The following THSD4 variants were observed in gnomAD, a reference collection of about 807,000 sequenced individuals.
THSD4 encodes thrombospondin type-1 domain-containing protein 4.
Under a neutral mutation model 119.0 loss-of-function variants are expected in THSD4, and 69 were observed. The observed-to-expected ratio is 0.58, with a 90% CI of 0.48 to 0.71. The LOEUF (loss-of-function observed/expected upper bound fraction) is 0.71, where lower values mean the gene tolerates loss of function less well. THSD4 is among the 30% of genes least tolerant of loss of function. The pLI is 0.00. For synonymous variants in THSD4, 524 were observed against 540.4 expected (o/e 0.97, Z 0.42); for missense variants, 1,393 against 1,391.1 (o/e 1.00, Z -0.02).
chr15:71,393,633 G>C (rs573320393), intron 6 of THSD4, among the ~76,000 whole-genome samples: 1 of 152,268 alleles, frequency 6.6e-6, no homozygotes, highest in African/African-American at 2.4e-5. Context: ...GCTCCTGGGT[G>C]TCTGGGATTG....
Position 71,215,038 on chromosome 15 carries a change from C to T in THSD4, c.103C>T (p.Pro35Ser), listed in dbSNP as rs368500845. The T allele has an allele frequency of 1.2e-4, 158 of 1,286,810 alleles. 1 individual carries two copies. The East Asian group carries it at 4.4e-3, about 36-fold the overall frequency. 79.7% of individuals were successfully genotyped at this position (1,286,810 alleles called of 1,614,324 possible). The change falls in exon 4 of 18, where the codon CCG becomes TCG. Residue 35 changes from proline to serine, a missense_variant. Coordinates refer to ENST00000261862, the MANE Select transcript of THSD4 (RefSeq NM_024817.3). ...PQPSTQHRKVPQRMAAEGAPE... is the reference protein window; with the variant it reads ...PQPSTQHRKVSQRMAAEGAPE... ...TAACCTGCCTCTGTCTCCGCAGGTCCCGCAGCGGATGGCGGCGGAGGGCGC... is the reference window on the plus strand; with the variant it reads ...TAACCTGCCTCTGTCTCCGCAGGTCTCGCAGCGGATGGCGGCGGAGGGCGC...
At chr15:71,669,292 G>A (rs549978008) in intron 8 of THSD4, among the ~76,000 whole-genome samples, 46 of 152,008 alleles carry the variant, frequency 3.0e-4, no homozygotes, top group South Asian at 2.1e-3. Context: ...TTTTCTTATT[G>A]ATTTTAAGAA....
chr15:71,319,336 T>C (rs955146095), intron 6 of THSD4, among the ~76,000 whole-genome samples: 16 of 151,770 alleles, frequency 1.1e-4, no homozygotes, highest in African/African-American at 3.1e-4. Flanking sequence ...TGGTGTGCTG[T>C]ACCCATTAAC....
intron 7 of THSD4, among the ~76,000 whole-genome samples, chr15:71,607,533 T>C (rs1300043306): frequency 2.0e-5 from 3 of 152,158 alleles, no homozygotes; most frequent in Non-Finnish European, 4.4e-5. Flanking sequence ...ACGTGTGTGG[T>C]CATCACAGCA....
chr15:71,548,137 C>T (rs573269823), intron 7 of THSD4, among the ~76,000 whole-genome samples: 164 of 148,336 alleles, frequency 1.1e-3, no homozygotes, highest in African/African-American at 3.8e-3. Flanking sequence ...CTCCTGGAGT[C>T]AGTTTTTGAT....
chr15:71,445,037 C>T (rs751998), intron 7 of THSD4, among the ~76,000 whole-genome samples: 40,372 of 152,070 alleles, frequency 0.27, 5,723 homozygotes, highest in Middle Eastern at 0.36. Flanking sequence ...TACCAAACCA[C>T]GTACAGCTCT....
At chr15:71,629,618 C>G (rs919961363) in intron 7 of THSD4, among the ~76,000 whole-genome samples, 2 of 152,146 alleles carry the variant, frequency 1.3e-5, no homozygotes, top group Non-Finnish European at 2.9e-5. Flanking sequence ...TAAAGAGATG[C>G]TCAGGCCCCC....
Position 71,409,457 on chromosome 15 carries a change from ACTT to A in THSD4, c.1016-2228_1016-2226del, listed in dbSNP as rs2046653658. Among the ~76,000 whole-genome samples, 6 of 152,302 alleles carry A rather than the reference ACTT, an allele frequency of 3.9e-5. No individual in the cohort carries two copies. The South Asian group carries it at 1.2e-3, about 32-fold the overall frequency. ...AGATGAATTTTGCCTCCAACTTGTCACTTCCTTTCTTAAGCCTGTTTTTTAATC... is the reference window on the plus strand; with the variant it reads ...AGATGAATTTTGCCTCCAACTTGTCACCTTTCTTAAGCCTGTTTTTTAATC... On this transcript the variant is annotated intron_variant, in intron 6 of 17. Transcript: ENST00000261862.
chr15:71,685,325 C>T lies in THSD4; in HGVS notation c.1357+24591C>T, dbSNP rs886485942. Among the ~76,000 whole-genome samples the T allele has an allele frequency of 5.3e-5, 8 of 151,960 alleles. No homozygotes were observed. The East Asian group carries it at 1.5e-3, about 29-fold the overall frequency. Reference sequence around the variant, plus strand: ...CAGGACCCTTTTCTCCTCTTTAAAACTGAAGACCCCAGAGAGCTTTTGTTC... The same window carrying T: ...CAGGACCCTTTTCTCCTCTTTAAAATTGAAGACCCCAGAGAGCTTTTGTTC... On this transcript the variant is annotated intron_variant, in intron 8 of 17. Transcript: ENST00000261862.
intron 3 of THSD4, among the ~76,000 whole-genome samples, chr15:71,193,778 G>A (rs527999050): frequency 8.2e-4 from 124 of 152,118 alleles, no homozygotes; most frequent in African/African-American, 3.4e-4. Flanking sequence ...CGTGATCTCG[G>A]CTCTCTGCAA....
intron 3 of THSD4, 118 bp downstream of exon 3, chr15:71,155,050 A>G (rs573364198): frequency 1.1e-6 from 1 of 925,020 alleles, no homozygotes; most frequent in South Asian, 1.3e-5. Flanking sequence ...GAAAGGAAGC[A>G]CCATTTACAG....
At chr15:71,704,472 C>T (rs1054837985) in intron 8 of THSD4, among the ~76,000 whole-genome samples, 9 of 152,186 alleles carry the variant, frequency 5.9e-5, no homozygotes, top group Admixed American at 1.3e-4. Flanking sequence ...TTGCCTGCCA[C>T]CATGTGAGAC....
In THSD4 at chr15:71,341,212, C is replaced by A. The variant is rs776233131; in HGVS notation, c.1016-70475C>A. 3.8e-6 allele frequency: 6 copies of A among 1,573,266 alleles called. No individual in the cohort carries two copies. In the East Asian group the frequency reaches 1.3e-4, roughly 35 times the overall value. ...TCAGTTTCTTCTGGGATATCTTTTT[C>A]TTCTGGGCAACCTCCTCTTCTGGTT... On this transcript the variant is annotated intron_variant, in intron 6 of 17. Coordinates refer to ENST00000261862, the MANE Select transcript of THSD4 (RefSeq NM_024817.3).
chr15:71,455,791 CAA>C (rs2047330845), intron 7 of THSD4, among the ~76,000 whole-genome samples: 1 of 152,154 alleles, frequency 6.6e-6, no homozygotes. Context: ...TGGGAGGTGT[CAA>C]AGACAAAATT....
chr15:71,305,989 G>A (rs531150228), intron 6 of THSD4, among the ~76,000 whole-genome samples: 1 of 151,986 alleles, frequency 6.6e-6, no homozygotes, highest in Admixed American at 6.6e-5. Flanking sequence ...TCCCTCAAAC[G>A]ATTGTAAAGA....
chr15:71,721,407 C>T (rs1321988333), intron 8 of THSD4, among the ~76,000 whole-genome samples: 3 of 152,122 alleles, frequency 2.0e-5, no homozygotes, highest in African/African-American at 7.2e-5. Flanking sequence ...ACTGGGGAGG[C>T]TGAGACAGGA....
chr15:71,285,578 G>A (rs969141151), intron 6 of THSD4, among the ~76,000 whole-genome samples: 4 of 152,108 alleles, frequency 2.6e-5, no homozygotes, highest in East Asian at 1.9e-4. Flanking sequence ...AAAAACAGCC[G>A]GGTGTGGTGG....
chr15:71,149,191 T>C (rs1156960489), intron 2 of THSD4, among the ~76,000 whole-genome samples: 1 of 151,018 alleles, frequency 6.6e-6, no homozygotes, highest in African/African-American at 2.4e-5. Context: ...GGCACTTAAC[T>C]GTTGTCAGAA....
intron 3 of THSD4, among the ~76,000 whole-genome samples, chr15:71,203,940 C>T (rs993432440): frequency 6.6e-6 from 1 of 152,200 alleles, no homozygotes; most frequent in Non-Finnish European, 1.5e-5. Flanking sequence ...ACCAGGCAGA[C>T]TCTTCTGCTA....
Sources: allele counts gnomAD v4.1 joint callset (sites outside exome capture counted in the v4.1 genomes callset), GRCh38; gene constraint gnomAD v4.1.1; transcripts MANE v1.5; gene names NCBI Gene and HGNC (gene_info 2026-07-23, HGNC 2026-07-21).